Variants in PPP1R9A observed in about 807,000 individuals in gnomAD.
The protein encoded by PPP1R9A is neurabin-1.
A neutral mutation model predicts 141.9 loss-of-function variants in PPP1R9A; 59 were observed. The ratio of observed to expected loss-of-function variants is 0.42; its 90% CI spans 0.34 to 0.52. PPP1R9A has a LOEUF of 0.52. PPP1R9A is among the 20% of genes least tolerant of loss of function. PPP1R9A has a pLI of 0.10. For synonymous variants in PPP1R9A, 500 were observed against 569.7 expected (o/e 0.88, Z 1.74); for missense variants, 1,444 against 1,611.9 (o/e 0.90, Z 1.78).
intron 4 of PPP1R9A, among the ~76,000 whole-genome samples, chr7:95,148,688 C>CAAAAAAAAAAA (rs80065854): frequency 1.4e-5 from 1 of 69,730 alleles, no homozygotes; most frequent in Non-Finnish European, 3.9e-5. Context: ...TCTAAAAATA[C>CAAAAAAAAAAA]AAAAAAAAAA....
chr7:95,073,372 G>A (rs1486802236), intron 2 of PPP1R9A, among the ~76,000 whole-genome samples: 1 of 152,072 alleles, frequency 6.6e-6, no homozygotes, highest in Non-Finnish European at 1.5e-5. Flanking sequence ...GTAGAACATA[G>A]CATAAGAGTA....
At chr7:95,273,518 C>T (rs969788335) in intron 14 of PPP1R9A, among the ~76,000 whole-genome samples, 1 of 152,138 alleles carries the variant, frequency 6.6e-6, no homozygotes, top group Non-Finnish European at 1.5e-5. Context: ...AACCCCAAGG[C>T]AAGAAAGGAA....
chr7:94,949,065 C>T (rs906925475), intron 2 of PPP1R9A, among the ~76,000 whole-genome samples: 2 of 152,050 alleles, frequency 1.3e-5, no homozygotes, highest in Non-Finnish European at 2.9e-5. Flanking sequence ...TTCTTAAATA[C>T]CAAGGGAGAA....
At chr7:95,144,935 A>G (rs1827344637) in intron 4 of PPP1R9A, among the ~76,000 whole-genome samples, 1 of 152,232 alleles carries the variant, frequency 6.6e-6, no homozygotes, top group Non-Finnish European at 1.5e-5. Flanking sequence ...TGTATTTTAC[A>G]CACTAACAGT....
chr7:94,965,910 C>A (rs930502499), intron 2 of PPP1R9A, among the ~76,000 whole-genome samples: 1 of 152,002 alleles, frequency 6.6e-6, no homozygotes, highest in African/African-American at 2.4e-5. Context: ...TTACTTTGGG[C>A]AGTATGGCCA....
intron 12 of PPP1R9A, among the ~76,000 whole-genome samples, chr7:95,263,290 A>T (rs1449021210): frequency 6.6e-6 from 1 of 152,200 alleles, no homozygotes; most frequent in African/African-American, 2.4e-5. Context: ...ACATAATACA[A>T]AATATAATAC....
chr7:95,016,979 ACT>A (rs1805198134), intron 2 of PPP1R9A, among the ~76,000 whole-genome samples: 1 of 152,158 alleles, frequency 6.6e-6, no homozygotes. Flanking sequence ...ATCCAATATG[ACT>A]GGTGTCCTTA....
chr7:95,234,750 A>G (rs1000102822), intron 8 of PPP1R9A, among the ~76,000 whole-genome samples: 1 of 152,220 alleles, frequency 6.6e-6, no homozygotes, highest in Non-Finnish European at 1.5e-5. Context: ...ATTTGGAGGC[A>G]TCACATTACC....
rs148811796 is a variant in PPP1R9A at position 95,009,300 on chromosome 7, T to A, written c.1395+97792T>A. 2.3e-3 allele frequency among the ~76,000 whole-genome samples: 350 copies of A among 152,166 alleles called. 1 individual carries two copies. The highest frequency in any genetic ancestry group is 8.2e-3 in the African/African-American group (339 of 41,510). Reference sequence around the variant, plus strand: ...ATGTACACTAGAACTTAAAGTATAATGAAGAAAATATATATTAAAAAAAGA... The same window carrying A: ...ATGTACACTAGAACTTAAAGTATAAAGAAGAAAATATATATTAAAAAAAGA... On this transcript the variant is annotated intron_variant, in intron 2 of 19. Coordinates refer to ENST00000433360, the MANE Select transcript of PPP1R9A (RefSeq NM_001166160.2).
intron 2 of PPP1R9A, among the ~76,000 whole-genome samples, chr7:94,974,697 T>C (rs1799237230): frequency 6.6e-6 from 1 of 152,226 alleles, no homozygotes; most frequent in African/African-American, 2.4e-5. Flanking sequence ...CTGGGAAACG[T>C]ACATAAATGT....
rs1806851366 is a variant in PPP1R9A, at chr7:95,294,617, A to G, written c.*4314A>G. ...TTGTTTGCATTTGTCTTGCGTATTT[A>G]AAGTCTCAGGAAATCTAGTCTTGGT... is the stretch of plus-strand genomic sequence containing the variant. On this transcript the variant is annotated 3_prime_UTR_variant, in exon 20 of 20. Coordinates refer to ENST00000433360, the MANE Select transcript of PPP1R9A (RefSeq NM_001166160.2). The G allele has an allele frequency of 6.6e-6, 1 of 152,196 alleles. No homozygotes were observed. The highest frequency in any genetic ancestry group is 2.4e-5 in the African/African-American group (1 of 41,446). The allele number at this position is 152,196 out of a possible 1,614,324, so 9.4% of individuals were successfully genotyped here.
intron 2 of PPP1R9A, among the ~76,000 whole-genome samples, chr7:95,002,446 G>A (rs904692099): frequency 6.6e-6 from 1 of 152,118 alleles, no homozygotes; most frequent in East Asian, 1.9e-4. Flanking sequence ...CGTGAAGATG[G>A]GAATAAGTTC....
At chr7:94,975,402 A>G (rs1355497609) in intron 2 of PPP1R9A, among the ~76,000 whole-genome samples, 1 of 139,542 alleles carries the variant, frequency 7.2e-6, no homozygotes, top group Non-Finnish European at 1.5e-5. Flanking sequence ...AGATCCTTGA[A>G]GCTAGAGGTC....
chr7:95,250,422 C>G (rs925588283), intron 10 of PPP1R9A, among the ~76,000 whole-genome samples, 167 bp downstream of exon 10: 7 of 152,166 alleles, frequency 4.6e-5, no homozygotes, highest in African/African-American at 1.7e-4. Flanking sequence ...GAAGTCACTT[C>G]TATCACTTTT....
intron 2 of PPP1R9A, among the ~76,000 whole-genome samples, chr7:95,084,294 TAGAA>T (rs1379839998): frequency 6.6e-6 from 1 of 152,014 alleles, no homozygotes; most frequent in Non-Finnish European, 1.5e-5. Flanking sequence ...GCAGAGAACT[TAGAA>T]GGACATGATG....
In PPP1R9A at chr7:94,968,706, G is replaced by C. The variant is rs535680663; in HGVS notation, c.1395+57198G>C. ...ACTTGTTTACATTTAAGGTTAAGAA[G>C]TTCTCCTGGATAATATCCTAAAGAG... On this transcript the variant is annotated intron_variant, in intron 2 of 19. Coordinates refer to ENST00000433360, the MANE Select transcript of PPP1R9A (RefSeq NM_001166160.2). 3.3e-5 allele frequency among the ~76,000 whole-genome samples: 5 copies of C among 152,034 alleles called. No individual in the cohort carries two copies. In the South Asian group the frequency reaches 1.0e-3, roughly 32 times the overall value.
chr7:95,129,190 A>G (rs1366501242), intron 4 of PPP1R9A, among the ~76,000 whole-genome samples: 1 of 152,144 alleles, frequency 6.6e-6, no homozygotes, highest in African/African-American at 2.4e-5. Context: ...GTCCCCACCC[A>G]AATCTCATCT....
intron 2 of PPP1R9A, among the ~76,000 whole-genome samples, chr7:95,006,046 G>A (rs1294141774): frequency 1.3e-5 from 2 of 151,830 alleles, no homozygotes; most frequent in African/African-American, 4.8e-5. Flanking sequence ...TTGATGGTAG[G>A]ATATTTTTAT....
chr7:95,093,412 C>G (rs905455009), intron 2 of PPP1R9A, among the ~76,000 whole-genome samples: 1 of 152,174 alleles, frequency 6.6e-6, no homozygotes, highest in Non-Finnish European at 1.5e-5. Flanking sequence ...CCTGCCGGCT[C>G]TGTATTTCAA....
Sources: allele counts gnomAD v4.1 joint callset (sites outside exome capture counted in the v4.1 genomes callset), GRCh38; gene constraint gnomAD v4.1.1; transcripts MANE v1.5; gene names NCBI Gene and HGNC (gene_info 2026-07-23, HGNC 2026-07-21).